Variants in MMP20 observed in about 807,000 individuals in gnomAD.
The protein encoded by MMP20 is matrix metallopeptidase 20.
Under a neutral mutation model 51.8 loss-of-function variants are expected in MMP20, and 50 were observed. That is an observed-to-expected ratio of 0.97 (90% CI 0.77 to 1.22). MMP20 has a LOEUF of 1.22. Ranked by LOEUF, MMP20 falls within the 50% of genes most tolerant of loss-of-function variation. The probability of loss-of-function intolerance (pLI) is 0.00; values close to 1 mark genes in which losing one functional copy is unlikely to be tolerated. For missense variants in MMP20, 663 were observed against 601.4 expected (o/e 1.10, Z -1.07); for synonymous variants, 244 against 216.2 (o/e 1.13, Z -1.13).
In MMP20 at chr11:102,617,152, A is replaced by C; in HGVS notation, c.127-93T>G. The C allele has an allele frequency of 6.9e-6, 10 of 1,455,894 alleles. No individual in the cohort carries two copies. In the South Asian group the frequency reaches 1.2e-4, roughly 17 times the overall value. 90.2% of individuals were successfully genotyped at this position (1,455,894 alleles called of 1,614,324 possible). A position where few individuals can be genotyped will look rare whatever the true frequency, so the allele number is the denominator to read the frequency against. On this transcript the variant is annotated intron_variant, in intron 1 of 9. Transcript: ENST00000260228. Reference sequence around the variant, plus strand: ...AGGGGACAGCATTCCTGATGTATTAAAAGCAGTGTGTAGAGTATTTTCCCA... The same window carrying C: ...AGGGGACAGCATTCCTGATGTATTACAAGCAGTGTGTAGAGTATTTTCCCA...
rs969431155 is a variant in MMP20, at chr11:102,617,155, G to A, written c.127-96C>T. On this transcript the variant is annotated intron_variant, in intron 1 of 9. Coordinates refer to ENST00000260228, the MANE Select transcript of MMP20 (RefSeq NM_004771.4). ...GGACAGCATTCCTGATGTATTAAAA[G>A]CAGTGTGTAGAGTATTTTCCCATTT... The A allele has an allele frequency of 1.2e-4, 166 of 1,419,096 alleles. 1 individual carries two copies. Among genetic ancestry groups the A allele is most frequent in the Non-Finnish European group, 1.5e-4 (156 of 1,012,616 alleles). 87.9% of individuals were successfully genotyped at this position (1,419,096 alleles called of 1,614,324 possible). A position where few individuals can be genotyped will look rare whatever the true frequency, so the allele number is the denominator to read the frequency against.
chr11:102,577,519 C>A, intron 9 of MMP20, 93 bp from the exon 10 acceptor site: 1 of 916,786 alleles, frequency 1.1e-6, no homozygotes, highest in Non-Finnish European at 1.8e-6. Context: ...TAAAGTGTCA[C>A]CAAAGAGGAA....
chr11:102,612,429 C>T (rs1300785648), intron 2 of MMP20, among the ~76,000 whole-genome samples: 4 of 152,184 alleles, frequency 2.6e-5, no homozygotes, highest in African/African-American at 9.7e-5. Context: ...CGGGCGACTG[C>T]ACTCCAGCCT....
Position 102,579,107 on chromosome 11 carries a change from T to A in MMP20, c.1283A>T (p.Tyr428Phe), listed in dbSNP as rs765698288. 3.1e-6 allele frequency: 5 copies of A among 1,613,660 alleles called. No individual in the cohort carries two copies. The highest frequency in any genetic ancestry group is 1.1e-5 in the South Asian group (1 of 91,066). ...AAATTCTTCTTCAGTATTCTTTGGA[T>A]AGTCTTTTTCCATTTTCCTTTTCCT... Reference protein sequence around the residue: ...DERKRKMEKDYPKNTEEEFSG... With the variant: ...DERKRKMEKDFPKNTEEEFSG... The change falls in exon 9 of 10, where the codon TAT becomes TTT. Residue 428 changes from tyrosine to phenylalanine, a missense_variant. Coordinates refer to ENST00000260228, the MANE Select transcript of MMP20 (RefSeq NM_004771.4).
chr11:102,581,433 G>A (rs1200114046), intron 8 of MMP20, among the ~76,000 whole-genome samples: 1 of 152,180 alleles, frequency 6.6e-6, no homozygotes, highest in Non-Finnish European at 1.5e-5. Context: ...AAGTGTTGGA[G>A]GCAGTCCAGA....
chr11:102,595,319 C>T (rs914769662), intron 6 of MMP20, among the ~76,000 whole-genome samples: 2 of 152,118 alleles, frequency 1.3e-5, no homozygotes, highest in Admixed American at 1.3e-4. Flanking sequence ...TTTCTGTGAT[C>T]CCCTCTCCTT....
rs757643777 is a variant in MMP20 at position 102,625,281 on chromosome 11, G to A, written c.39C>T (p.Leu13=). Residue 13 remains leucine, a synonymous_variant, in exon 1 of 10, where the codon CTC becomes CTT. Coordinates refer to ENST00000260228, the MANE Select transcript of MMP20 (RefSeq NM_004771.4). ...VLPASGLAVF[L]IMALKFSTAA... ...CAGTGGAAAACTTCAAAGCCATGAT[G>A]AGGAAGACAGCAAGGCCAGATGCAG... The A allele has an allele frequency of 6.2e-6, 10 of 1,613,666 alleles. No homozygotes were observed. The highest frequency in any genetic ancestry group is 2.2e-5 in the East Asian group (1 of 44,888).
At chr11:102,585,290 G>T (rs769955409) in intron 8 of MMP20, among the ~76,000 whole-genome samples, 3 of 152,010 alleles carry the variant, frequency 2.0e-5, no homozygotes, top group Non-Finnish European at 4.4e-5. Context: ...ATGTTTTGTA[G>T]TTTTCAGACT....
intron 6 of MMP20, chr11:102,605,545 T>A (rs892745788): frequency 6.6e-5 from 10 of 151,956 alleles, no homozygotes; most frequent in African/African-American, 2.2e-4. Flanking sequence ...TCTCTCTAGA[T>A]CTTCCCAGGT....
intron 6 of MMP20, among the ~76,000 whole-genome samples, chr11:102,601,125 C>CT (rs1168517234): frequency 0.019 from 539 of 28,250 alleles, 158 homozygotes; most frequent in East Asian, 0.14. Flanking sequence ...GTCGGCTATT[C>CT]TTTTTTTTTT....
In MMP20 at chr11:102,582,796, AT is replaced by A. The variant is rs945747094; in HGVS notation, c.1248-3655del. ...AAATGGGGAAAACTGCAGGAAAAAA[AT>A]AGAAGAAAAATATTAAATGAGTATC... On this transcript the variant is annotated intron_variant, in intron 8 of 9. Transcript: ENST00000260228. Among the ~76,000 whole-genome samples the A allele has an allele frequency of 1.4e-4, 22 of 152,356 alleles. 1 individual carries two copies. The highest frequency in any genetic ancestry group is 9.8e-4 in the Admixed American group (15 of 15,300).
rs1199620474 is a variant in MMP20 at position 102,606,595 on chromosome 11, G to C, written c.893C>G (p.Ser298Cys). The C allele has an allele frequency of 1.2e-6, 2 of 1,614,012 alleles. No homozygotes were observed. Among genetic ancestry groups the C allele is most frequent in the Non-Finnish European group, 1.7e-6 (2 of 1,179,988 alleles). Residue 298 changes from serine to cysteine, a missense_variant, in exon 6 of 10, where the codon TCC (serine) becomes TGC (cysteine). By Grantham distance (112) the Ser-to-Cys change is moderately radical. Coordinates refer to ENST00000260228, the MANE Select transcript of MMP20 (RefSeq NM_004771.4). ...HKPSIPDLCDSSSSFDAVTML... is the reference protein window; with the variant it reads ...HKPSIPDLCDCSSSFDAVTML... ...TGTCACAGCGTCAAAGGATGAGCTG[G>C]AGTCACAGAGGTCAGGGATGGATGG...
chr11:102,588,679 C>A (rs1338702258), intron 8 of MMP20, among the ~76,000 whole-genome samples: 2 of 152,172 alleles, frequency 1.3e-5, no homozygotes, highest in Non-Finnish European at 2.9e-5. Context: ...ACACTTACTA[C>A]TGATGCTCTC....
intron 4 of MMP20, 62 bp from the exon 5 acceptor site, chr11:102,609,160 A>G: frequency 7.0e-7 from 1 of 1,418,866 alleles, no homozygotes; most frequent in Non-Finnish European, 9.9e-7. Context: ...TCCATCTTCC[A>G]TCTTTATAGT....
intron 8 of MMP20, among the ~76,000 whole-genome samples, chr11:102,592,860 G>C (rs1311323286): frequency 2.6e-5 from 4 of 152,232 alleles, no homozygotes; most frequent in Non-Finnish European, 5.9e-5. Context: ...GCAGTGATTG[G>C]ATGACAGATG....
chr11:102,625,320 C>T lies in MMP20; in HGVS notation c.-1G>A. The stretch of plus-strand genomic sequence containing the variant: ...GGCCAGATGCAGGGAGCACCTTCAT[C>T]CCCTCACAGTAGCTTGGTAATTATA... On this transcript the variant is annotated 5_prime_UTR_variant, in exon 1 of 10. Transcript: ENST00000260228. 1 of 1,613,182 alleles carries T rather than the reference C, an allele frequency of 6.2e-7. No individual in the cohort carries two copies.
At chr11:102,582,092 C>A (rs1416478748) in intron 8 of MMP20, among the ~76,000 whole-genome samples, 2 of 152,174 alleles carry the variant, frequency 1.3e-5, no homozygotes, top group Non-Finnish European at 2.9e-5. Flanking sequence ...TTGCCTGCAA[C>A]AGATATCTGA....
intron 6 of MMP20, 135 bp downstream of exon 6, chr11:102,606,400 T>C (rs530388254): frequency 2.8e-5 from 34 of 1,199,732 alleles, no homozygotes; most frequent in Non-Finnish European, 3.7e-5. Flanking sequence ...GACCCCTGCC[T>C]ACCACCCTTC....
intron 8 of MMP20, among the ~76,000 whole-genome samples, chr11:102,585,699 C>A (rs910989031): frequency 1.3e-5 from 2 of 152,128 alleles, no homozygotes; most frequent in African/African-American, 4.8e-5. Flanking sequence ...AGGAATGCAT[C>A]CAGTCTTTCA....
Sources: allele counts gnomAD v4.1 joint callset (sites outside exome capture counted in the v4.1 genomes callset), GRCh38; gene constraint gnomAD v4.1.1; transcripts MANE v1.5; gene names NCBI Gene and HGNC (gene_info 2026-07-23, HGNC 2026-07-21).